GPR158: variants seen among roughly 807,000 people sequenced by gnomAD.
GPR158 encodes the protein metabotropic glycine receptor.
GPR158 carries 30 observed loss-of-function variants against 78.2 expected under a neutral mutation model. That is an observed-to-expected ratio of 0.38 (90% CI 0.29 to 0.52). The LOEUF is 0.52. GPR158 is among the 20% of genes least tolerant of loss of function. The probability of loss-of-function intolerance (pLI) is 0.83; values close to 1 mark genes in which losing one functional copy is unlikely to be tolerated. For synonymous variants in GPR158, 581 were observed against 591.1 expected, an observed-to-expected ratio of 0.98 and a Z score of 0.25; for missense variants, 1,463 against 1,523.5, an observed-to-expected ratio of 0.96 and a Z score of 0.66.
chr10:25,278,993 G>T (rs191278742), intron 2 of GPR158, among the ~76,000 whole-genome samples: 1 of 152,058 alleles, frequency 6.6e-6, no homozygotes, highest in East Asian at 1.9e-4. Context: ...GTGAAATTAT[G>T]AGCTTTAAAT....
intron 2 of GPR158, among the ~76,000 whole-genome samples, chr10:25,281,095 A>G (rs1854263928): frequency 6.6e-6 from 1 of 150,860 alleles, no homozygotes; most frequent in Admixed American, 6.6e-5. Context: ...AGATTACACC[A>G]CTATACTCCA....
At chr10:25,221,533 T>C (rs1853299583) in intron 2 of GPR158, among the ~76,000 whole-genome samples, 1 of 152,222 alleles carries the variant, frequency 6.6e-6, no homozygotes, top group African/African-American at 2.4e-5. Flanking sequence ...TGGTATTCAT[T>C]CAGACACACT....
In GPR158 at chr10:25,551,052, C is replaced by A; in HGVS notation, c.1481C>A (p.Thr494Asn). The A allele has an allele frequency of 6.2e-7, 1 of 1,604,778 alleles. No homozygotes were observed. Among genetic ancestry groups the A allele is most frequent in the Non-Finnish European group, 8.5e-7 (1 of 1,171,600 alleles). Reference protein sequence around the residue: ...LRWARLLGFATVYGTVTLKLH... With the variant: ...LRWARLLGFANVYGTVTLKLH... ...TGGGCTCGTCTTCTCGGTTTTGCTA[C>A]TGTTTACGGAACTGTCACTCTCAAA... The change falls in exon 6 of 11, where the codon ACT becomes AAT. Residue 494 changes from threonine to asparagine, a missense_variant. By Grantham distance (65) the Thr-to-Asn change is moderately conservative. Coordinates refer to ENST00000376351, the MANE Select transcript of GPR158 (RefSeq NM_020752.3).
intron 1 of GPR158, among the ~76,000 whole-genome samples, chr10:25,189,839 TG>T (rs2130640667): frequency 8.9e-6 from 1 of 112,830 alleles, no homozygotes; most frequent in East Asian, 4.5e-4. Flanking sequence ...AAAGCATGTG[TG>T]TGTGTGTGTG....
intron 1 of GPR158, among the ~76,000 whole-genome samples, chr10:25,187,177 G>A (rs1298468488): frequency 6.6e-6 from 1 of 151,848 alleles, no homozygotes; most frequent in Non-Finnish European, 1.5e-5. Context: ...GTGTTAGCCA[G>A]GATGGTCTCA....
rs549602918 is a variant in GPR158 at position 25,345,183 on chromosome 10, A to G, written c.1009-50728A>G. On this transcript the variant is annotated intron_variant, in intron 2 of 10. Coordinates refer to ENST00000376351, the MANE Select transcript of GPR158 (RefSeq NM_020752.3). ...GCAGAACATCTAATCCGTTCCCTCAATGGTCTTGTCCGGCAACATTCGGCA... is the reference window on the plus strand; with the variant it reads ...GCAGAACATCTAATCCGTTCCCTCAGTGGTCTTGTCCGGCAACATTCGGCA... Among the ~76,000 whole-genome samples, 509 of 151,954 alleles carry G rather than the reference A, an allele frequency of 3.3e-3. 3 individuals are homozygous for G. The highest frequency in any genetic ancestry group is 0.011 in the African/African-American group (469 of 41,504).
chr10:25,446,828 C>CT (rs1835143150), intron 4 of GPR158, among the ~76,000 whole-genome samples: 1 of 152,160 alleles, frequency 6.6e-6, no homozygotes, highest in South Asian at 2.1e-4. Flanking sequence ...AACAGTGTTT[C>CT]TACATCAGCC....
At chr10:25,407,886 A>T (rs1055804396) in intron 3 of GPR158, among the ~76,000 whole-genome samples, 1 of 152,140 alleles carries the variant, frequency 6.6e-6, no homozygotes. Context: ...CTTTAATTAC[A>T]TAAAGCATAT....
At chr10:25,438,564 A>G (rs1353191692) in intron 4 of GPR158, among the ~76,000 whole-genome samples, 1 of 152,226 alleles carries the variant, frequency 6.6e-6, no homozygotes, top group African/African-American at 2.4e-5. Context: ...GGAGGGAGAG[A>G]TATAACAGTA....
chr10:25,313,912 C>T (rs1375810793), intron 2 of GPR158, among the ~76,000 whole-genome samples: 3 of 152,050 alleles, frequency 2.0e-5, no homozygotes, highest in Non-Finnish European at 2.9e-5. Flanking sequence ...TTGGGATGAT[C>T]CGGTCTTTAA....
intron 2 of GPR158, among the ~76,000 whole-genome samples, chr10:25,316,573 A>T (rs1354360332): frequency 1.3e-5 from 2 of 152,052 alleles, no homozygotes; most frequent in Non-Finnish European, 2.9e-5. Context: ...TTCTACATTG[A>T]TTTTCATGTC....
chr10:25,437,274 G>A (rs1386464525), intron 4 of GPR158, among the ~76,000 whole-genome samples: 1 of 151,948 alleles, frequency 6.6e-6, no homozygotes, highest in Non-Finnish European at 1.5e-5. Context: ...TGCCCAGGCT[G>A]GAGTACAGTG....
intron 7 of GPR158, among the ~76,000 whole-genome samples, chr10:25,584,923 G>A (rs913520790): frequency 1.3e-5 from 2 of 152,140 alleles, no homozygotes; most frequent in Non-Finnish European, 2.9e-5. Context: ...AACTTTTATA[G>A]GCTGGAGATG....
chr10:25,288,952 T>C (rs1854393682), intron 2 of GPR158, among the ~76,000 whole-genome samples: 1 of 152,236 alleles, frequency 6.6e-6, no homozygotes, highest in Admixed American at 6.5e-5. Context: ...AGACTTTCCA[T>C]CGGCTTCCTT....
chr10:25,338,757 A>G (rs1487404362), intron 2 of GPR158, among the ~76,000 whole-genome samples: 1 of 150,600 alleles, frequency 6.6e-6, no homozygotes, highest in African/African-American at 2.4e-5. Flanking sequence ...TGAACTTTGC[A>G]TTTCTATATA....
At chr10:25,497,132 G>C (rs1835892537) in intron 5 of GPR158, among the ~76,000 whole-genome samples, 1 of 152,184 alleles carries the variant, frequency 6.6e-6, no homozygotes, top group Non-Finnish European at 1.5e-5. Context: ...AAAGCCAGAA[G>C]GGGAGTCAGA....
At chr10:25,555,152 G>C (rs1021417765) in intron 6 of GPR158, among the ~76,000 whole-genome samples, 1 of 152,146 alleles carries the variant, frequency 6.6e-6, no homozygotes, top group South Asian at 2.1e-4. Flanking sequence ...AAGTCAGGTA[G>C]TGTGATGCCT....
chr10:25,254,717 T>A (rs553688586), intron 2 of GPR158, among the ~76,000 whole-genome samples: 9 of 152,206 alleles, frequency 5.9e-5, no homozygotes, highest in Non-Finnish European at 8.8e-5. Flanking sequence ...TTATTTTTGT[T>A]AGAAAACAGT....
intron 2 of GPR158, among the ~76,000 whole-genome samples, chr10:25,241,284 CTTTTCTTTTCTTTTCTTTTCTTTT>C (rs1202016419): frequency 3.7e-5 from 4 of 109,008 alleles, no homozygotes; most frequent in Non-Finnish European, 7.0e-5. Context: ...TTCTTTCTTT[CTTTTCTTTTCTTTTCTTTTCTTTT>C]CTTTTCTCTT....
Sources: gnomAD v4.1 joint callset for allele counts (sites outside exome capture counted in the v4.1 genomes callset) on GRCh38, gnomAD v4.1.1 for gene constraint, MANE v1.5 for transcripts, NCBI Gene and HGNC (gene_info 2026-07-23, HGNC 2026-07-21) for gene names.